Variants in UVRAG observed in about 807,000 individuals in gnomAD.
UVRAG encodes UV radiation resistance associated, also known as UV radiation resistance-associated gene protein.
A neutral mutation model predicts 78.0 loss-of-function variants in UVRAG; 19 were observed. The observed-to-expected ratio is 0.24, with a 90% CI of 0.17 to 0.36. The LOEUF is 0.36. Among genes scored for constraint, UVRAG ranks in the 10% least tolerant of loss-of-function variants. UVRAG has a pLI of 1.00. For synonymous variants in UVRAG, 323 were observed against 324.6 expected (o/e 1.00, Z 0.05); for missense variants, 740 against 853.8 (o/e 0.87, Z 1.66).
chr11:75,966,395 GTAAA>G (rs1472714855), intron 7 of UVRAG, among the ~76,000 whole-genome samples: 163 of 152,264 alleles, frequency 1.1e-3, no homozygotes, highest in African/African-American at 3.6e-3. Flanking sequence ...TGGTAGCCTG[GTAAA>G]ATTAGTTGGG....
intron 13 of UVRAG, among the ~76,000 whole-genome samples, chr11:76,073,607 T>C (rs1470015159): frequency 6.6e-6 from 1 of 152,140 alleles, no homozygotes; most frequent in African/African-American, 2.4e-5. Context: ...TATATATAAC[T>C]CAATGAGCCA....
intron 14 of UVRAG, among the ~76,000 whole-genome samples, chr11:76,139,980 G>C (rs1319675911): frequency 3.5e-5 from 5 of 142,872 alleles, no homozygotes; most frequent in African/African-American, 1.3e-4. Context: ...TCCCAAGTTA[G>C]TTTTTCATTT....
At chr11:75,859,931 G>A (rs1386135039) in intron 2 of UVRAG, among the ~76,000 whole-genome samples, 1 of 152,128 alleles carries the variant, frequency 6.6e-6, no homozygotes, top group African/African-American at 2.4e-5. Flanking sequence ...GATTTATTCA[G>A]CCAGGTAACA....
intron 3 of UVRAG, among the ~76,000 whole-genome samples, chr11:75,874,294 C>T (rs1291011216): frequency 1.3e-5 from 2 of 152,018 alleles, no homozygotes; most frequent in Non-Finnish European, 2.9e-5. Flanking sequence ...AACACACACA[C>T]ACAAAATGAA....
chr11:76,018,804 T>G (rs1052038922), intron 12 of UVRAG, among the ~76,000 whole-genome samples: 2 of 152,242 alleles, frequency 1.3e-5, no homozygotes, highest in African/African-American at 4.8e-5. Context: ...GTTTGATTGT[T>G]AAATGCTTTA....
At chr11:75,895,279 A>G (rs1348792531) in intron 5 of UVRAG, among the ~76,000 whole-genome samples, 5 of 152,212 alleles carry the variant, frequency 3.3e-5, no homozygotes. Context: ...CCCTCTGTCT[A>G]CATTATCTTA....
chr11:75,815,217 TG>T lies in UVRAG; in HGVS notation c.-189del. 2.3e-6 allele frequency: 1 copy of T among 432,964 alleles called. No homozygotes were observed. Among genetic ancestry groups the T allele is most frequent in the Non-Finnish European group, 4.0e-6 (1 of 247,028 alleles). 26.8% of individuals were successfully genotyped at this position (432,964 alleles called of 1,614,324 possible). On this transcript the variant is annotated 5_prime_UTR_variant, in exon 1 of 15. It removes the in-frame stop codon of an upstream open reading frame in the 5' UTR. Transcript: ENST00000356136. ...GTGGAGGGGTTGCACTGCGGTAATA[TG>T]GCTCTTCCTTAGCCAGCGGCGGCAA...
chr11:76,057,207 A>C (rs1032910083), intron 12 of UVRAG, among the ~76,000 whole-genome samples: 1 of 99,510 alleles, frequency 1.0e-5, no homozygotes, highest in Non-Finnish European at 2.2e-5. Context: ...GGGTGCCACA[A>C]TCAGATTTGA....
chr11:76,020,456 G>A (rs1184832974), intron 12 of UVRAG, among the ~76,000 whole-genome samples: 2 of 151,990 alleles, frequency 1.3e-5, no homozygotes, highest in Non-Finnish European at 2.9e-5. Context: ...GATGAATCCT[G>A]CCAGGACTTG....
At position 76,035,084 on chromosome 11, in the gene UVRAG, C is replaced by T. The variant is rs144600417; in HGVS notation, c.1226+18104C>T. ...TGTGTAGATGACGAATTTATTGAGA[C>T]AACTTCTGTTGTAAGATGTTCCATA... On this transcript the variant is annotated intron_variant, in intron 12 of 14. Coordinates refer to ENST00000356136, the MANE Select transcript of UVRAG (RefSeq NM_003369.4). 3.0e-3 allele frequency among the ~76,000 whole-genome samples: 449 copies of T among 151,976 alleles called. 6 individuals are homozygous for T. Among genetic ancestry groups the T allele is most frequent in the African/African-American group, 0.01 (427 of 41,446 alleles).
intron 13 of UVRAG, among the ~76,000 whole-genome samples, chr11:76,095,735 G>C (rs1401071481): frequency 3.3e-5 from 5 of 151,612 alleles, no homozygotes; most frequent in African/African-American, 1.2e-4. Context: ...GCTGGGCATG[G>C]TGGTGCCCAC....
intron 6 of UVRAG, among the ~76,000 whole-genome samples, chr11:75,943,798 A>AGTATT (rs1948532222): frequency 6.6e-6 from 1 of 152,168 alleles, no homozygotes; most frequent in African/African-American, 2.4e-5. Flanking sequence ...TATAAGCAAT[A>AGTATT]GTATTGTCTT....
chr11:75,937,698 T>C (rs774775878), intron 6 of UVRAG, among the ~76,000 whole-genome samples: 10 of 152,224 alleles, frequency 6.6e-5, no homozygotes, highest in Non-Finnish European at 1.2e-4. Flanking sequence ...TTTGATTCTG[T>C]GTACCTTGGC....
intron 6 of UVRAG, chr11:75,942,289 C>CT (rs1176043660): frequency 1.3e-5 from 2 of 153,232 alleles, no homozygotes; most frequent in Non-Finnish European, 2.9e-5. Context: ...TAGTATGATT[C>CT]TTTGAGTTTC....
intron 6 of UVRAG, among the ~76,000 whole-genome samples, chr11:75,940,066 T>C (rs1442084476): frequency 2.0e-5 from 3 of 152,164 alleles, no homozygotes; most frequent in Non-Finnish European, 4.4e-5. Context: ...TTTTAAACTT[T>C]CTAATTTCAG....
intron 11 of UVRAG, among the ~76,000 whole-genome samples, 177 bp from the exon 12 acceptor site, chr11:76,016,635 TGAA>T (rs555185887): frequency 5.6e-4 from 85 of 152,304 alleles, no homozygotes; most frequent in African/African-American, 1.9e-3. Flanking sequence ...AGTTAGTAGA[TGAA>T]GTTTCAAGTC....
chr11:76,098,365 T>TA (rs1294049498), intron 13 of UVRAG, among the ~76,000 whole-genome samples: 1 of 152,130 alleles, frequency 6.6e-6, no homozygotes, highest in East Asian at 1.9e-4. Context: ...CAGGTGTTGT[T>TA]ATATGAGCCA....
At chr11:75,840,922 T>C (rs372505024) in intron 1 of UVRAG, among the ~76,000 whole-genome samples, 25 of 152,254 alleles carry the variant, frequency 1.6e-4, no homozygotes, top group African/African-American at 5.3e-4. Flanking sequence ...CTGTTTTTTG[T>C]TTTTTTGTTT....
chr11:75,909,444 A>G (rs1258282658), intron 5 of UVRAG, among the ~76,000 whole-genome samples: 1 of 152,140 alleles, frequency 6.6e-6, no homozygotes, highest in African/African-American at 2.4e-5. Flanking sequence ...TGATCATGCT[A>G]CTACTCTCCA....
Sources: gnomAD v4.1 joint callset for allele counts (sites outside exome capture counted in the v4.1 genomes callset) on GRCh38, gnomAD v4.1.1 for gene constraint, MANE v1.5 for transcripts, NCBI Gene and HGNC (gene_info 2026-07-23, HGNC 2026-07-21) for gene names.